Variants in MYH16 observed in about 807,000 individuals in gnomAD.
MYH16 encodes the protein putative uncharacterized protein MYH16.
intron 2 of MYH16, among the ~76,000 whole-genome samples, chr7:99,245,426 AAGG>A (rs1428000655): frequency 3.3e-5 from 5 of 152,202 alleles, no homozygotes; most frequent in Admixed American, 2.0e-4. Flanking sequence ...ACTGTCCAGC[AAGG>A]AGAAGAGAAA....
intron 20 of MYH16, among the ~76,000 whole-genome samples, chr7:99,277,076 A>C (rs1792124579): frequency 6.6e-6 from 1 of 151,718 alleles, no homozygotes; most frequent in African/African-American, 2.4e-5. Flanking sequence ...AGAGAGAGAA[A>C]CAGTGGGCGA....
intron 23 of MYH16, among the ~76,000 whole-genome samples, chr7:99,282,108 C>T (rs762651505): frequency 1.4e-4 from 22 of 152,004 alleles, no homozygotes; most frequent in Non-Finnish European, 2.5e-4. Flanking sequence ...CTGCAACCTC[C>T]GCCTCCCGGG....
chr7:99,255,866 G>A (rs1433635782), intron 9 of MYH16, among the ~76,000 whole-genome samples: 1 of 152,146 alleles, frequency 6.6e-6, no homozygotes, highest in South Asian at 2.1e-4. Flanking sequence ...GCCCATTTTA[G>A]CAAGCCAAGT....
At position 99,284,027 on chromosome 7, in the gene MYH16, TGTC is replaced by T. The variant is rs1792241643; in HGVS notation, n.3225+15_3225+17del. 4.5e-6 allele frequency: 2 copies of T among 444,928 alleles called. No individual in the cohort carries two copies. Among genetic ancestry groups the T allele is most frequent in the Non-Finnish European group, 4.5e-6 (1 of 221,430 alleles). 27.6% of individuals were successfully genotyped at this position (444,928 alleles called of 1,614,324 possible). On this transcript the variant is annotated intron_variant and non_coding_transcript_variant, in intron 25 of 41. Coordinates refer to ENST00000439784, the Ensembl canonical transcript of MYH16. ...GAGGAGGTGGTGAAAAAGTATGTCT[TGTC>T]GTCGTTCGTTTTGTCCATCACAATG... is the stretch of plus-strand genomic sequence containing the variant.
intron 31 of MYH16, among the ~76,000 whole-genome samples, chr7:99,291,860 G>A (rs942708542): frequency 1.8e-4 from 28 of 152,046 alleles, no homozygotes; most frequent in Middle Eastern, 3.4e-3. Flanking sequence ...TTGGGAGGCC[G>A]ACACAGGTGG....
At chr7:99,254,822 T>C (rs1284989849) in intron 8 of MYH16, among the ~76,000 whole-genome samples, 1 of 152,180 alleles carries the variant, frequency 6.6e-6, no homozygotes, top group Non-Finnish European at 1.5e-5. Context: ...CATTTTGAAA[T>C]TGGGAGACTT....
At chr7:99,271,129 G>A in intron 19 of MYH16, 1 of 152,662 alleles carries the variant, frequency 6.6e-6, no homozygotes, top group East Asian at 1.9e-4. Flanking sequence ...AGGCCCAGAG[G>A]AGCCACACGC....
intron 33 of MYH16, 28 bp downstream of exon 14, chr7:99,294,178 C>T (rs1164102580): frequency 6.7e-6 from 3 of 448,004 alleles, no homozygotes; most frequent in African/African-American, 4.0e-5. Context: ...TCAAAGCTGC[C>T]TATTTACCGG....
intron 34 of MYH16, among the ~76,000 whole-genome samples, chr7:99,297,144 G>GAT (rs1792511526): frequency 6.6e-6 from 1 of 152,122 alleles, no homozygotes; most frequent in Non-Finnish European, 1.5e-5. Context: ...TATAAAATGA[G>GAT]GAAATAGCCG....
chr7:99,311,010 C>T (rs1792753300), downstream of MYH16: 1 of 152,134 alleles, frequency 6.6e-6, no homozygotes, highest in African/African-American at 2.4e-5. Context: ...CCTACATGGT[C>T]ATGTCAAGGA....
chr7:99,282,829 C>CAAA (rs59018303), intron 23 of MYH16, among the ~76,000 whole-genome samples: 10 of 140,346 alleles, frequency 7.1e-5, no homozygotes, highest in African/African-American at 2.5e-4. Context: ...GATCCTATCT[C>CAAA]AAAAAAAAAA....
intron 22 of MYH16, among the ~76,000 whole-genome samples, chr7:99,280,396 A>G (rs1401231740): frequency 6.6e-6 from 1 of 152,192 alleles, no homozygotes; most frequent in Non-Finnish European, 1.5e-5. Context: ...TCAGCTGTTG[A>G]ATTTCTGCCC....
chr7:99,291,644 C>T lies in MYH16; in HGVS notation n.3952+194C>T, dbSNP rs994304439. Among the ~76,000 whole-genome samples, 14 of 139,700 alleles carry T rather than the reference C, an allele frequency of 1.0e-4. No individual in the cohort carries two copies. In the East Asian group the frequency reaches 2.3e-3, roughly 23 times the overall value. The allele number at this position is 139,700 out of a possible 152,430, so 91.6% of individuals were successfully genotyped here. On this transcript the variant is annotated intron_variant and non_coding_transcript_variant, in intron 31 of 41. Coordinates refer to ENST00000439784, the Ensembl canonical transcript of MYH16. ...CCCCCCCCACCCCCCCCACCCCCAACGCCATCTCTACCAAAATAAAAAATA... is the reference window on the plus strand; with the variant it reads ...CCCCCCCCACCCCCCCCACCCCCAATGCCATCTCTACCAAAATAAAAAATA...
At chr7:99,296,442 T>C (rs1792493492) in intron 33 of MYH16, among the ~76,000 whole-genome samples, 1 of 151,854 alleles carries the variant, frequency 6.6e-6, no homozygotes, top group Non-Finnish European at 1.5e-5. Flanking sequence ...CCTGAGAGAA[T>C]TCTAACCTGG....
chr7:99,298,648 C>G (rs1428585075), intron 36 of MYH16, among the ~76,000 whole-genome samples: 1 of 152,144 alleles, frequency 6.6e-6, no homozygotes, highest in Non-Finnish European at 1.5e-5. Flanking sequence ...TTGCCCCTTT[C>G]AAAAATTGGA....
At chr7:99,307,976 A>G (rs1233254029), downstream of MYH16, among the ~76,000 whole-genome samples, 1 of 152,000 alleles carries the variant, frequency 6.6e-6, no homozygotes, top group Non-Finnish European at 1.5e-5. Flanking sequence ...AGCCTCCCAA[A>G]GTGCTGGGAT....
In MYH16 at chr7:99,277,933, G is replaced by A. The variant is rs954278522; in HGVS notation, n.2659+221G>A. Among the ~76,000 whole-genome samples the A allele has an allele frequency of 3.0e-5, 4 of 135,426 alleles. No homozygotes were observed. In the East Asian group the frequency reaches 8.0e-4, roughly 27 times the overall value. 88.8% of individuals were successfully genotyped at this position (135,426 alleles called of 152,430 possible). A position where few individuals can be genotyped will look rare whatever the true frequency, so the allele number is the denominator to read the frequency against. On this transcript the variant is annotated intron_variant and non_coding_transcript_variant, in intron 21 of 41. Coordinates refer to ENST00000439784, the Ensembl canonical transcript of MYH16. ...TGTGTGTGTGAGAGAGAGAGAGAGA[G>A]AGAGACAGACAGACAGACAGACAGA...
At chr7:99,301,235 AGAG>A (rs1364043709) in intron 37 of MYH16, among the ~76,000 whole-genome samples, 1 of 150,150 alleles carries the variant, frequency 6.7e-6, no homozygotes, top group African/African-American at 2.4e-5. Flanking sequence ...GAGAGAAATA[AGAG>A]GACAGAAGAG....
At chr7:99,277,773 G>A (rs1792135863) in intron 21 of MYH16, 61 bp downstream of exon 3, 1 of 392,812 alleles carries the variant, frequency 2.5e-6, no homozygotes, top group Admixed American at 3.0e-5. Flanking sequence ...CTGGGAGGGA[G>A]GAAGGGCGAG....
Sources: gnomAD v4.1 joint callset for allele counts (sites outside exome capture counted in the v4.1 genomes callset) on GRCh38, gnomAD v4.1.1 for gene constraint, MANE v1.5 for transcripts, NCBI Gene and HGNC (gene_info 2026-07-23, HGNC 2026-07-21) for gene names.